Variants in PRKCE observed in about 807,000 individuals in gnomAD.
PRKCE encodes the protein protein kinase C epsilon.
Under a neutral mutation model 85.4 loss-of-function variants are expected in PRKCE, and 16 were observed. The ratio of observed to expected loss-of-function variants is 0.19; its 90% CI spans 0.13 to 0.28. PRKCE has a LOEUF of 0.28. Ranked by LOEUF, PRKCE falls within the 10% of genes least tolerant of loss-of-function variation. The pLI is 1.00. For missense variants in PRKCE, 573 were observed against 975.2 expected (o/e 0.59, Z 5.49); for synonymous variants, 388 against 371.5 (o/e 1.04, Z -0.51).
At chr2:45,987,975 A>G (rs1018054120) in intron 6 of PRKCE, among the ~76,000 whole-genome samples, 1 of 152,192 alleles carries the variant, frequency 6.6e-6, no homozygotes, top group Admixed American at 6.5e-5. Context: ...AGAAAAAGAA[A>G]TCAAGACTTA....
At position 45,891,432 on chromosome 2, in the gene PRKCE, C is replaced by T. The variant is rs141657675; in HGVS notation, c.412+48369C>T. Among the ~76,000 whole-genome samples the T allele has an allele frequency of 5.3e-5, 8 of 152,338 alleles. No individual in the cohort carries two copies. In the East Asian group the frequency reaches 1.3e-3, roughly 26 times the overall value. ...GTCGGCCCAAGTTGTACCACAAAAGCTGCCACCATTGCTCCCATCCTGATG... is the reference window on the plus strand; with the variant it reads ...GTCGGCCCAAGTTGTACCACAAAAGTTGCCACCATTGCTCCCATCCTGATG... On this transcript the variant is annotated intron_variant, in intron 2 of 14. Transcript: ENST00000306156.
chr2:45,988,930 C>T (rs1703570185), intron 6 of PRKCE, among the ~76,000 whole-genome samples: 1 of 152,212 alleles, frequency 6.6e-6, no homozygotes, highest in African/African-American at 2.4e-5. Flanking sequence ...CACATGGAGT[C>T]AGTGGCCCCT....
intron 10 of PRKCE, among the ~76,000 whole-genome samples, chr2:46,025,469 A>C (rs1707031388): frequency 6.6e-6 from 1 of 152,228 alleles, no homozygotes; most frequent in Non-Finnish European, 1.5e-5. Flanking sequence ...TAGGGAGGTT[A>C]GGCTAATAGG....
In PRKCE at chr2:46,137,893, T is replaced by A. The variant is rs182003790; in HGVS notation, c.1593-7200T>A. Among the ~76,000 whole-genome samples, 232 of 152,352 alleles carry A rather than the reference T, an allele frequency of 1.5e-3. 1 individual carries two copies. Among genetic ancestry groups the A allele is most frequent in the African/African-American group, 5.2e-3 (218 of 41,580 alleles). On this transcript the variant is annotated intron_variant, in intron 11 of 14. Transcript: ENST00000306156. ...TTGCATACCAGTTCTCCCTCAGTCT[T>A]AGACCATTTCTTCCCCACCTTGCAG... is the stretch of plus-strand genomic sequence containing the variant.
intron 10 of PRKCE, among the ~76,000 whole-genome samples, chr2:46,077,781 G>GA (rs370516823): frequency 5.2e-4 from 78 of 151,326 alleles, no homozygotes; most frequent in African/African-American, 1.6e-3. Context: ...TCCCCAGTAA[G>GA]AAAAAAAAAT....
chr2:45,899,326 C>T (rs1392687744), intron 2 of PRKCE, among the ~76,000 whole-genome samples: 1 of 151,956 alleles, frequency 6.6e-6, no homozygotes, highest in Non-Finnish European at 1.5e-5. Flanking sequence ...CCATTGCATT[C>T]AGATGATTAT....
intron 6 of PRKCE, among the ~76,000 whole-genome samples, chr2:45,986,983 C>T (rs1219561688): frequency 6.7e-6 from 1 of 150,102 alleles, no homozygotes; most frequent in African/African-American, 2.4e-5. Context: ...GTGTGGTTGC[C>T]GGGAAGCAGG....
intron 2 of PRKCE, among the ~76,000 whole-genome samples, chr2:45,896,425 T>G (rs1696146638): frequency 6.6e-6 from 1 of 152,224 alleles, no homozygotes; most frequent in African/African-American, 2.4e-5. Flanking sequence ...CCATTCTGTC[T>G]CCTTGGAAAT....
At position 46,070,961 on chromosome 2, in the gene PRKCE, C is replaced by T. The variant is rs528443502; in HGVS notation, c.1438-15247C>T. On this transcript the variant is annotated intron_variant, in intron 10 of 14. Transcript: ENST00000306156. Reference sequence around the variant, plus strand: ...TTACTCTTTACTTGTTAATTATGTCCTCTCATTTGCCTTAGATTATCATTT... The same window carrying T: ...TTACTCTTTACTTGTTAATTATGTCTTCTCATTTGCCTTAGATTATCATTT... Among the ~76,000 whole-genome samples, 27 of 152,278 alleles carry T rather than the reference C, an allele frequency of 1.8e-4. No homozygotes were observed. In the East Asian group the frequency reaches 3.7e-3, roughly 21 times the overall value.
intron 1 of PRKCE, among the ~76,000 whole-genome samples, chr2:45,751,578 G>C (rs903567877): frequency 2.0e-5 from 3 of 152,058 alleles, no homozygotes; most frequent in African/African-American, 7.2e-5. Context: ...CTCTGAAGGA[G>C]GGCCTGTGGT....
intron 10 of PRKCE, among the ~76,000 whole-genome samples, chr2:46,035,725 G>GT (rs148833874): frequency 0.025 from 3,860 of 152,318 alleles, 55 homozygotes; most frequent in Middle Eastern, 0.051. Context: ...GTTATATATA[G>GT]TAAGTGTATA....
At chr2:45,784,500 T>C (rs777239398) in intron 1 of PRKCE, among the ~76,000 whole-genome samples, 1 of 152,214 alleles carries the variant, frequency 6.6e-6, no homozygotes, top group Non-Finnish European at 1.5e-5. Context: ...ATTTGCAAAG[T>C]CGGAATCCAA....
chr2:46,032,188 T>C (rs1403175378), intron 10 of PRKCE, among the ~76,000 whole-genome samples: 2 of 152,032 alleles, frequency 1.3e-5, no homozygotes, highest in African/African-American at 4.8e-5. Flanking sequence ...GTCCATGATC[T>C]TACTTTATCT....
chr2:45,808,198 A>T (rs1338376835), intron 1 of PRKCE, among the ~76,000 whole-genome samples: 1 of 152,120 alleles, frequency 6.6e-6, no homozygotes, highest in Non-Finnish European at 1.5e-5. Context: ...GTTGGCAAGC[A>T]CCAACCAGTT....
chr2:45,925,662 A>G (rs1698562022), intron 2 of PRKCE, among the ~76,000 whole-genome samples: 2 of 152,372 alleles, frequency 1.3e-5, no homozygotes, highest in South Asian at 4.1e-4. Flanking sequence ...GGATACATCC[A>G]TCCGAGTAGT....
At chr2:46,135,453 C>T (rs143851866) in intron 11 of PRKCE, among the ~76,000 whole-genome samples, 127 of 152,330 alleles carry the variant, frequency 8.3e-4, no homozygotes, top group African/African-American at 3.0e-3. Context: ...TCTTTTTCCT[C>T]ATCTAGCAGG....
chr2:45,898,041 A>C (rs762473016), intron 2 of PRKCE, among the ~76,000 whole-genome samples: 40 of 152,222 alleles, frequency 2.6e-4, no homozygotes, highest in Non-Finnish European at 4.4e-4. Flanking sequence ...CAGTTGGGCA[A>C]GTGCACACCA....
intron 2 of PRKCE, among the ~76,000 whole-genome samples, chr2:45,862,843 G>C (rs1320814525): frequency 2.6e-5 from 4 of 152,202 alleles, no homozygotes; most frequent in Non-Finnish European, 5.9e-5. Context: ...CACCTGCGCA[G>C]GGTGCCCCTA....
At chr2:46,080,972 TACACAC>T (rs112421012) in intron 10 of PRKCE, among the ~76,000 whole-genome samples, 51 of 147,690 alleles carry the variant, frequency 3.5e-4, no homozygotes, top group South Asian at 2.8e-3. Flanking sequence ...CAGTTATGCA[TACACAC>T]ACACACACAC....
Sources: gnomAD v4.1 joint callset for allele counts (sites outside exome capture counted in the v4.1 genomes callset) on GRCh38, gnomAD v4.1.1 for gene constraint, MANE v1.5 for transcripts, NCBI Gene and HGNC (gene_info 2026-07-23, HGNC 2026-07-21) for gene names.